The following MDFIC2 variants were observed in gnomAD, a reference collection of about 807,000 sequenced individuals.
MDFIC2 encodes myoD family inhibitor domain-containing protein 2.
intron 2 of MDFIC2, among the ~76,000 whole-genome samples, chr3:70,274,818 A>C (rs1702006268): frequency 6.6e-6 from 1 of 152,246 alleles, no homozygotes; most frequent in Admixed American, 6.5e-5. Context: ...AAGGAATATT[A>C]TAAAAACTAC....
chr3:70,271,065 A>G (rs139750422), intron 2 of MDFIC2, among the ~76,000 whole-genome samples: 1 of 152,182 alleles, frequency 6.6e-6, no homozygotes, highest in Non-Finnish European at 1.5e-5. Context: ...ATAAAAAAAA[A>G]CAGTAAATTA....
intron 3 of MDFIC2, among the ~76,000 whole-genome samples, chr3:70,197,925 G>C (rs1701197506): frequency 6.6e-6 from 1 of 152,138 alleles, no homozygotes; most frequent in Non-Finnish European, 1.5e-5. Flanking sequence ...AATCTGGAAA[G>C]TATCTCTAAG....
intron 2 of MDFIC2, among the ~76,000 whole-genome samples, chr3:70,252,714 A>T (rs1393559886): frequency 6.6e-6 from 1 of 152,152 alleles, no homozygotes; most frequent in Non-Finnish European, 1.5e-5. Context: ...TTTAAATTGA[A>T]TGCCTCTACA....
At chr3:70,260,566 G>A (rs182529196) in intron 2 of MDFIC2, among the ~76,000 whole-genome samples, 10 of 152,046 alleles carry the variant, frequency 6.6e-5, no homozygotes, top group Admixed American at 6.6e-4. Flanking sequence ...ATGGGAGGAA[G>A]GGAAGGTCTG....
intron 3 of MDFIC2, 121 bp downstream of exon 3, chr3:70,206,448 G>A (rs946775955): frequency 1.0e-4 from 40 of 394,214 alleles, no homozygotes; most frequent in Non-Finnish European, 1.7e-4. Context: ...TTTTCAAATC[G>A]AAGTCTTCGT....
chr3:70,291,013 C>T (rs903792339), intron 2 of MDFIC2, among the ~76,000 whole-genome samples: 5 of 152,216 alleles, frequency 3.3e-5, no homozygotes, highest in Non-Finnish European at 5.9e-5. Context: ...CAGAAATCAC[C>T]GGTCTTCTGC....
chr3:70,238,280 G>C (rs1701632502), intron 2 of MDFIC2, among the ~76,000 whole-genome samples: 1 of 151,876 alleles, frequency 6.6e-6, no homozygotes, highest in African/African-American at 2.4e-5. Flanking sequence ...TTTGGGCTTT[G>C]GGTAGACAGA....
chr3:70,267,576 GTATTTTTTT>G (rs1701929972), intron 2 of MDFIC2, among the ~76,000 whole-genome samples: 2 of 98,656 alleles, frequency 2.0e-5, no homozygotes, highest in Non-Finnish European at 3.8e-5. Context: ...CTAATTTTTT[GTATTTTTTT>G]TTTTTTTTTT....
chr3:70,255,739 G>A (rs1031166460), intron 2 of MDFIC2, among the ~76,000 whole-genome samples: 12 of 152,128 alleles, frequency 7.9e-5, no homozygotes, highest in Admixed American at 1.3e-4. Context: ...TTACAGGTAT[G>A]ATCCCCCGTA....
chr3:70,282,546 C>A (rs571855856), intron 2 of MDFIC2, among the ~76,000 whole-genome samples: 2 of 152,268 alleles, frequency 1.3e-5, no homozygotes, highest in South Asian at 4.1e-4. Flanking sequence ...ATTTTGTTGG[C>A]TTTGAACATT....
At chr3:70,289,885 T>C (rs1362636824) in intron 2 of MDFIC2, among the ~76,000 whole-genome samples, 1 of 152,022 alleles carries the variant, frequency 6.6e-6, no homozygotes, top group Non-Finnish European at 1.5e-5. Context: ...TTCACGTAGT[T>C]CTCGAGCCTT....
chr3:70,198,502 G>T (rs1008040201), intron 3 of MDFIC2, among the ~76,000 whole-genome samples: 2 of 152,106 alleles, frequency 1.3e-5, no homozygotes, highest in Non-Finnish European at 2.9e-5. Flanking sequence ...TTTAAAGAAA[G>T]CCACTTTGGT....
At chr3:70,275,658 A>G (rs1343881672) in intron 2 of MDFIC2, among the ~76,000 whole-genome samples, 5 of 152,240 alleles carry the variant, frequency 3.3e-5, no homozygotes, top group Admixed American at 1.3e-4. Context: ...CCCACGCCTC[A>G]GCTTCTTCAT....
chr3:70,208,816 A>G (rs1459345118), intron 2 of MDFIC2, among the ~76,000 whole-genome samples: 1 of 152,044 alleles, frequency 6.6e-6, no homozygotes, highest in Non-Finnish European at 1.5e-5. Context: ...TGATCCTCCA[A>G]ACAGCCTTGG....
chr3:70,276,656 C>A (rs1186193907), intron 2 of MDFIC2, among the ~76,000 whole-genome samples: 1 of 152,182 alleles, frequency 6.6e-6, no homozygotes, highest in Non-Finnish European at 1.5e-5. Context: ...TAAACTGTGA[C>A]CCATGGTCTA....
intron 2 of MDFIC2, 27 bp from the exon 3 acceptor site, chr3:70,206,817 C>T (rs1701295936): frequency 2.5e-6 from 1 of 397,118 alleles, no homozygotes; most frequent in Non-Finnish European, 4.4e-6. Context: ...AAAACACATA[C>T]AGAAACCCAC....
intron 3 of MDFIC2, among the ~76,000 whole-genome samples, chr3:70,199,268 T>A (rs1484528450): frequency 4.6e-5 from 7 of 152,172 alleles, no homozygotes; most frequent in African/African-American, 1.7e-4. Flanking sequence ...GTCTTATAAT[T>A]TCCTGAGAGT....
At chr3:70,271,022 T>G (rs563397982) in intron 2 of MDFIC2, among the ~76,000 whole-genome samples, 14 of 152,056 alleles carry the variant, frequency 9.2e-5, no homozygotes, top group Admixed American at 3.9e-4. Flanking sequence ...ATCCCAGAAC[T>G]TCAAGTATAA....
chr3:70,261,927 G>C (rs554346757), intron 2 of MDFIC2, among the ~76,000 whole-genome samples: 1 of 152,188 alleles, frequency 6.6e-6, no homozygotes, highest in East Asian at 1.9e-4. Flanking sequence ...ACCATAAACG[G>C]CCAAGTTTAA....
Sources: allele counts gnomAD v4.1 joint callset (sites outside exome capture counted in the v4.1 genomes callset), GRCh38; gene constraint gnomAD v4.1.1; transcripts MANE v1.5; gene names NCBI Gene and HGNC (gene_info 2026-07-23, HGNC 2026-07-21).